ASIP: variants seen among roughly 807,000 people sequenced by gnomAD.
The protein encoded by ASIP is agouti signaling protein, also known as agouti-signaling protein.
In ASIP, 11 loss-of-function variants were observed where a neutral mutation model predicts 10.3. The observed-to-expected ratio is 1.07, with a 90% CI of 0.68 to 1.78. The LOEUF (loss-of-function observed/expected upper bound fraction) is 1.78. Among genes scored for constraint, ASIP ranks in the 40% most tolerant of loss-of-function variants. ASIP has a pLI of 0.00. For missense variants in ASIP, 180 were observed against 169.2 expected (o/e 1.06, Z -0.35); for synonymous variants, 70 against 70.8 (o/e 0.99, Z 0.06).
intron 1 of ASIP, among the ~76,000 whole-genome samples, chr20:34,256,876 G>A (rs949085233): frequency 1.3e-5 from 2 of 151,934 alleles, no homozygotes; most frequent in East Asian, 3.9e-4. Flanking sequence ...AACTTCCTGG[G>A]GTCAGGTGAT....
At chr20:34,253,981 C>A (rs913843067) in intron 1 of ASIP, among the ~76,000 whole-genome samples, 1 of 152,166 alleles carries the variant, frequency 6.6e-6, no homozygotes. Flanking sequence ...TTCATCATTG[C>A]AGAGTGGAAA....
At chr20:34,199,725 A>G (rs1025533050) in intron 1 of ASIP, among the ~76,000 whole-genome samples, 5 of 152,164 alleles carry the variant, frequency 3.3e-5, no homozygotes, top group Non-Finnish European at 5.9e-5. Flanking sequence ...TGTTGTGTAC[A>G]TGTTGCAAAT....
chr20:34,225,459 T>G (rs1427223258), intron 1 of ASIP, among the ~76,000 whole-genome samples: 1 of 151,836 alleles, frequency 6.6e-6, no homozygotes, highest in African/African-American at 2.4e-5. Flanking sequence ...TTATAATACT[T>G]TTTAACATCT....
In ASIP at chr20:34,269,114, T is replaced by C. The variant is rs988622815; in HGVS notation, c.346T>C (p.Cys116Arg). 9 of 1,563,034 alleles carry C rather than the reference T, an allele frequency of 5.8e-6. No homozygotes were observed. In the South Asian group the frequency reaches 1.1e-4, roughly 18 times the overall value. Residue 116 changes from cysteine to arginine, a missense_variant, in exon 4 of 4, where the codon TGC becomes CGC. Coordinates refer to ENST00000374954, the MANE Select transcript of ASIP (RefSeq NM_001672.3). Reference protein sequence around the residue: ...ACCDPCASCQCRFFRSACSCR... With the variant: ...ACCDPCASCQRRFFRSACSCR... ...CTGCGACCCGTGCGCCTCCTGCCAG[T>C]GCCGCTTCTTCCGCAGCGCCTGCTC...
chr20:34,224,166 C>T (rs1159814415), intron 1 of ASIP, among the ~76,000 whole-genome samples: 1 of 148,712 alleles, frequency 6.7e-6, no homozygotes, highest in African/African-American at 2.5e-5. Context: ...ACTGTTGTCC[C>T]ATGACCCTGC....
At chr20:34,246,162 C>T (rs1490241701) in intron 1 of ASIP, 1 of 1,042,598 alleles carries the variant, frequency 9.6e-7, no homozygotes, top group Non-Finnish European at 1.5e-6. Context: ...ACTCTTGTCA[C>T]ATGTTTCTTC....
At chr20:34,264,789 ATTTTT>A (rs34382186) in intron 3 of ASIP, among the ~76,000 whole-genome samples, 2 of 104,212 alleles carry the variant, frequency 1.9e-5, no homozygotes, top group African/African-American at 7.8e-5. Context: ...AGTTTACTTC[ATTTTT>A]TTTTTTTTTT....
intron 1 of ASIP, among the ~76,000 whole-genome samples, chr20:34,247,344 A>G (rs1457005206): frequency 7.2e-6 from 1 of 138,686 alleles, no homozygotes; most frequent in Non-Finnish European, 1.5e-5. Context: ...TCTGTTGCCC[A>G]GGCTGGAGTG....
chr20:34,265,971 G>T (rs2035777469), intron 3 of ASIP, among the ~76,000 whole-genome samples: 1 of 151,950 alleles, frequency 6.6e-6, no homozygotes, highest in Non-Finnish European at 1.5e-5. Flanking sequence ...AGCGGAGGGG[G>T]GGAAGTTAAA....
intron 1 of ASIP, among the ~76,000 whole-genome samples, chr20:34,210,429 A>G (rs944638085): frequency 6.6e-6 from 1 of 152,222 alleles, no homozygotes; most frequent in African/African-American, 2.4e-5. Context: ...ACAGAGAGTC[A>G]GCACCCACGT....
At position 34,213,816 on chromosome 20, in the gene ASIP, A is replaced by T. The variant is rs1399147898; in HGVS notation, c.-11+19056A>T. On this transcript the variant is annotated intron_variant, in intron 1 of 3. Transcript: ENST00000568305. ...TGAGGGCCAGCAAGAATGTCTGTAA[A>T]CAGTCCAGATAAACTTCGGAACAGC... is the stretch of plus-strand genomic sequence containing the variant. The T allele has an allele frequency of 2.0e-6, 3 of 1,515,614 alleles. No homozygotes were observed. The African/African-American group carries it at 4.1e-5, about 21-fold the overall frequency. 93.9% of individuals were successfully genotyped at this position (1,515,614 alleles called of 1,614,324 possible).
intron 1 of ASIP, among the ~76,000 whole-genome samples, chr20:34,206,124 C>T (rs1037274860): frequency 2.0e-5 from 3 of 152,052 alleles, no homozygotes; most frequent in Non-Finnish European, 4.4e-5. Flanking sequence ...TCCCAAGTAG[C>T]TGGGACTACA....
chr20:34,263,320 T>A (rs745870076), intron 3 of ASIP, among the ~76,000 whole-genome samples: 1 of 152,210 alleles, frequency 6.6e-6, no homozygotes. Context: ...ATCCCAGCAC[T>A]TTGGGAGGCC....
In ASIP at chr20:34,211,584, C is replaced by G. The variant is rs116135098; in HGVS notation, c.-11+16824C>G. Among the ~76,000 whole-genome samples the G allele has an allele frequency of 2.0e-3, 311 of 152,228 alleles. 1 individual carries two copies. The highest frequency in any genetic ancestry group is 7.2e-3 in the African/African-American group (300 of 41,512). On this transcript the variant is annotated intron_variant, in intron 1 of 3. Coordinates refer to the ASIP transcript ENST00000568305. ...ATTTAGAATGTCTTTTAATATGGGT[C>G]TACGGGTGACAAATTTTTCTCAGGT...
At chr20:34,223,572 G>GC (rs2035069929) in intron 1 of ASIP, among the ~76,000 whole-genome samples, 1 of 144,236 alleles carries the variant, frequency 6.9e-6, no homozygotes, top group African/African-American at 2.8e-5. Context: ...CGCCTGGCCA[G>GC]CCGTGCCCTC....
rs1769111725 is a variant in ASIP, at chr20:34,217,701, G to A, written c.-11+22941G>A. ...CTCAGCCTCACGAGTAGCTGGGACTGCAGGCGCCCACCACCACGCCCGGCT... is the reference window on the plus strand; with the variant it reads ...CTCAGCCTCACGAGTAGCTGGGACTACAGGCGCCCACCACCACGCCCGGCT... On this transcript the variant is annotated intron_variant, in intron 1 of 3. Coordinates refer to the ASIP transcript ENST00000568305. Among the ~76,000 whole-genome samples the A allele has an allele frequency of 3.3e-5, 5 of 151,996 alleles. No individual in the cohort carries two copies. In the South Asian group the frequency reaches 1.0e-3, roughly 32 times the overall value.
intron 1 of ASIP, chr20:34,250,045 C>A (rs982607615): frequency 6.6e-6 from 1 of 152,328 alleles, no homozygotes; most frequent in African/African-American, 2.4e-5. Context: ...ATGCTGGGGT[C>A]CAGCTGATAC....
At chr20:34,268,290 G>GGTTCCTGCAGCAGGAACTCACCTGCTGC (rs2035822635) in intron 3 of ASIP, among the ~76,000 whole-genome samples, 1 of 152,132 alleles carries the variant, frequency 6.6e-6, no homozygotes, top group Non-Finnish European at 1.5e-5. Flanking sequence ...GCTCCTGCTG[G>GGTTCCTGCAGCAGGAACTCACCTGCTGC]GTTCCTGCAG....
rs141590492 is a variant in ASIP at position 34,206,554 on chromosome 20, T to C, written c.-11+11794T>C. 6.8e-4 allele frequency among the ~76,000 whole-genome samples: 103 copies of C among 152,316 alleles called. No individual in the cohort carries two copies. In the East Asian group the frequency reaches 0.015, roughly 22 times the overall value. On this transcript the variant is annotated intron_variant, in intron 1 of 3. Transcript: ENST00000568305. ...TATGGCAGAATAATATTCCACTGTA[T>C]ACATATACCACTTTTTTGTTTTTGT...
Sources: allele counts gnomAD v4.1 joint callset (sites outside exome capture counted in the v4.1 genomes callset), GRCh38; gene constraint gnomAD v4.1.1; transcripts MANE v1.5; gene names NCBI Gene and HGNC (gene_info 2026-07-23, HGNC 2026-07-21).